Variants in DNAH14 observed in about 807,000 individuals in gnomAD.
The protein encoded by DNAH14 is dynein axonemal heavy chain 14, also known as axonemal beta dynein heavy chain 14.
Under a neutral mutation model 520.9 loss-of-function variants are expected in DNAH14, and 478 were observed. The ratio of observed to expected loss-of-function variants is 0.92; its 90% CI spans 0.85 to 0.99. The LOEUF (loss-of-function observed/expected upper bound fraction) is 0.99, where lower values mean the gene tolerates loss of function less well. Among genes scored for constraint, DNAH14 ranks in the 50% least tolerant of loss-of-function variants. The pLI, the probability that DNAH14 is intolerant of heterozygous loss-of-function variation, is 0.00. For missense variants in DNAH14, 4,831 were observed against 5,234.5 expected (o/e 0.92, Z 2.38); for synonymous variants, 1,581 against 1,757.2 (o/e 0.90, Z 2.51).
intron 8 of DNAH14, among the ~76,000 whole-genome samples, chr1:224,988,779 G>A (rs1221168162): frequency 6.6e-6 from 1 of 152,150 alleles, no homozygotes; most frequent in Non-Finnish European, 1.5e-5. Flanking sequence ...CCAAGTAGCT[G>A]GGACTACAGG....
At chr1:225,307,323 A>G in intron 58 of DNAH14, 138 bp from the exon 59 acceptor site, 1 of 626,792 alleles carries the variant, frequency 1.6e-6, no homozygotes, top group Non-Finnish European at 2.7e-6. Flanking sequence ...TTGACTTTCA[A>G]ATAGTGAGCC....
At position 225,341,830 on chromosome 1, in the gene DNAH14, A is replaced by G. The variant is rs2095188093; in HGVS notation, c.10678+1129A>G. 2.6e-5 allele frequency among the ~76,000 whole-genome samples: 4 copies of G among 152,232 alleles called. No individual in the cohort carries two copies. The South Asian group carries it at 8.3e-4, about 31-fold the overall frequency. On this transcript the variant is annotated intron_variant, in intron 69 of 85. Transcript: ENST00000682510. ...ATGCCCCTAAGTCAACTGTGATAAAATACAGTTTATCTAACAATGGACTGC... is the reference window on the plus strand; with the variant it reads ...ATGCCCCTAAGTCAACTGTGATAAAGTACAGTTTATCTAACAATGGACTGC...
chr1:225,340,235 A>G (rs2095150773), intron 68 of DNAH14, among the ~76,000 whole-genome samples: 1 of 152,170 alleles, frequency 6.6e-6, no homozygotes, highest in African/African-American at 2.4e-5. Context: ...TTATGTGTAA[A>G]CTAAACATAG....
intron 12 of DNAH14, among the ~76,000 whole-genome samples, chr1:225,042,404 T>G (rs752180999): frequency 6.6e-6 from 1 of 152,212 alleles, no homozygotes; most frequent in Non-Finnish European, 1.5e-5. Flanking sequence ...GAGCTAGGAC[T>G]TACTCTAGTG....
At chr1:225,258,965 T>C (rs2092833492) in intron 45 of DNAH14, among the ~76,000 whole-genome samples, 156 bp from the exon 46 acceptor site, 1 of 152,206 alleles carries the variant, frequency 6.6e-6, no homozygotes, top group Non-Finnish European at 1.5e-5. Context: ...CTTCCTCATT[T>C]AACCACTCTT....
intron 81 of DNAH14, among the ~76,000 whole-genome samples, chr1:225,386,578 A>C (rs2095844658): frequency 6.6e-6 from 1 of 152,252 alleles, no homozygotes. Context: ...AAAGGATATG[A>C]ACAGACACTT....
At chr1:225,348,072 AAACTG>A (rs2095313746) in intron 71 of DNAH14, among the ~76,000 whole-genome samples, 1 of 152,190 alleles carries the variant, frequency 6.6e-6, no homozygotes, top group Non-Finnish European at 1.5e-5. Context: ...AAAAATGCAA[AAACTG>A]AACTGAAAAA....
At chr1:225,159,987 A>G (rs16844400) in intron 35 of DNAH14, among the ~76,000 whole-genome samples, 8,896 of 152,172 alleles carry the variant, frequency 0.058, 483 homozygotes, top group East Asian at 0.23. Context: ...GCTTCCTACC[A>G]CACCCTGCAT....
At position 225,374,896 on chromosome 1, in the gene DNAH14, A is replaced by G; in HGVS notation, c.12516+11A>G. ...TTCTCCAGTGATGGGGTAGGAAAAG[A>G]ATCAATCTTCTTGCATTTCTCGATA... On this transcript the variant is annotated intron_variant, in intron 78 of 85. Coordinates refer to ENST00000682510, the MANE Select transcript of DNAH14 (RefSeq NM_001367479.1). 1.3e-6 allele frequency: 2 copies of G among 1,527,050 alleles called. No individual in the cohort carries two copies. Among genetic ancestry groups the G allele is most frequent in the Non-Finnish European group, 1.8e-6 (2 of 1,131,424 alleles). 94.6% of individuals were successfully genotyped at this position (1,527,050 alleles called of 1,614,324 possible).
chr1:225,035,943 C>T (rs1392054344), intron 11 of DNAH14, among the ~76,000 whole-genome samples: 1 of 151,772 alleles, frequency 6.6e-6, no homozygotes, highest in African/African-American at 2.4e-5. Flanking sequence ...AAGTCTCTAG[C>T]TATTATTGTA....
At chr1:225,331,998 A>G (rs965605681) in intron 65 of DNAH14, among the ~76,000 whole-genome samples, 2 of 152,040 alleles carry the variant, frequency 1.3e-5, no homozygotes, top group African/African-American at 4.8e-5. Flanking sequence ...TAAGTTTATT[A>G]AGAAAGTAAA....
Position 225,118,829 on chromosome 1 carries a change from C to T in DNAH14, c.4092-391C>T, listed in dbSNP as rs2077066677. ...ACCCAGGAGGTGGAGGTTGCAGTGACCCAAGGTGGCACCATTGCACTCCAG... is the reference window on the plus strand; with the variant it reads ...ACCCAGGAGGTGGAGGTTGCAGTGATCCAAGGTGGCACCATTGCACTCCAG... On this transcript the variant is annotated intron_variant, in intron 25 of 85. Transcript: ENST00000682510. Among the ~76,000 whole-genome samples, 3 of 149,638 alleles carry T rather than the reference C, an allele frequency of 2.0e-5. No homozygotes were observed. The Admixed American group carries it at 2.0e-4, about 10-fold the overall frequency.
At chr1:225,152,128 A>T (rs1036583094) in intron 32 of DNAH14, 55 bp downstream of exon 32, 1 of 1,442,692 alleles carries the variant, frequency 6.9e-7, no homozygotes, top group Admixed American at 2.3e-5. Flanking sequence ...ATTTTCTTAA[A>T]TCTTATCTAC....
At chr1:225,015,391 T>C (rs1480097521) in intron 10 of DNAH14, among the ~76,000 whole-genome samples, 1 of 152,232 alleles carries the variant, frequency 6.6e-6, no homozygotes, top group Non-Finnish European at 1.5e-5. Context: ...TATTGTTATT[T>C]TTGCAGTTAG....
intron 31 of DNAH14, among the ~76,000 whole-genome samples, chr1:225,151,313 A>G (rs556634152): frequency 6.6e-6 from 1 of 151,200 alleles, no homozygotes; most frequent in Non-Finnish European, 1.5e-5. Context: ...CAGGACTCAT[A>G]AATCTGTGGA....
chr1:225,176,729 G>T (rs906052823), intron 36 of DNAH14, among the ~76,000 whole-genome samples: 3 of 151,844 alleles, frequency 2.0e-5, no homozygotes, highest in African/African-American at 7.3e-5. Context: ...AGCTGTTTTT[G>T]CTTACTGCCA....
chr1:225,208,158 C>T (rs987284824), intron 41 of DNAH14, among the ~76,000 whole-genome samples: 3 of 152,032 alleles, frequency 2.0e-5, no homozygotes, highest in Non-Finnish European at 4.4e-5. Flanking sequence ...CACAAGTGAC[C>T]TGCTTTGAAG....
At chr1:225,026,093 T>C (rs921822502) in intron 11 of DNAH14, among the ~76,000 whole-genome samples, 1 of 152,010 alleles carries the variant, frequency 6.6e-6, no homozygotes, top group Non-Finnish European at 1.5e-5. Flanking sequence ...GCCTCCCACA[T>C]AGCTGGGACT....
At position 224,960,253 on chromosome 1, in the gene DNAH14, T is replaced by G. The variant is rs2060761377; in HGVS notation, c.318T>G (p.His106Gln). 1 of 1,611,616 alleles carries G rather than the reference T, an allele frequency of 6.2e-7. No individual in the cohort carries two copies. The change falls in exon 4 of 86, where the codon CAT becomes CAG. Residue 106 changes from histidine (H) to glutamine (Q), a missense_variant. Transcript: ENST00000682510. Reference protein sequence around the residue: ...GKSRRKKDQTHACPNVRKARP... With the variant: ...GKSRRKKDQTQACPNVRKARP... ...CAAGGAGAAAAAAGGATCAAACTCA[T>G]GCTTGTCCAAATGTTAGGAAAGCCA...
Sources: gnomAD v4.1 joint callset for allele counts (sites outside exome capture counted in the v4.1 genomes callset) on GRCh38, gnomAD v4.1.1 for gene constraint, MANE v1.5 for transcripts, NCBI Gene and HGNC (gene_info 2026-07-23, HGNC 2026-07-21) for gene names.